Variants in PCK2 observed in about 807,000 individuals in gnomAD.
PCK2 encodes phosphoenolpyruvate carboxykinase 2, mitochondrial, also known as phosphoenolpyruvate carboxykinase [GTP], mitochondrial.
In PCK2, 56 loss-of-function variants were observed where a neutral mutation model predicts 65.9. The observed-to-expected ratio is 0.85, with a 90% confidence interval of 0.69 to 1.06. The LOEUF (loss-of-function observed/expected upper bound fraction) is 1.06. PCK2 is among the 50% of genes least tolerant of loss of function. The probability of loss-of-function intolerance (pLI) is 0.00; values close to 1 mark genes in which losing one functional copy is unlikely to be tolerated. For missense variants in PCK2, 843 were observed against 863.1 expected (o/e 0.98, Z 0.29); for synonymous variants, 305 against 319.6 (o/e 0.95, Z 0.49).
intron 5 of PCK2, 32 bp from the exon 6 acceptor site, chr14:24,099,526 T>A: frequency 6.5e-7 from 1 of 1,548,408 alleles, no homozygotes; most frequent in Non-Finnish European, 8.7e-7. Context: ...TTTGGTGACC[T>A]CTTTCTTATT....
chr14:24,096,822 G>C lies in PCK2; in HGVS notation c.30-70G>C, dbSNP rs2036905468. The C allele has an allele frequency of 1.1e-5, 16 of 1,414,358 alleles. No homozygotes were observed. In the Admixed American group the frequency reaches 2.6e-4, roughly 23 times the overall value. 87.6% of individuals were successfully genotyped at this position (1,414,358 alleles called of 1,614,324 possible). On this transcript the variant is annotated intron_variant, in intron 1 of 9. Transcript: ENST00000216780. ...TAGCAGGCTGCAGCCCAAGCTTTCT[G>C]TCTCTCCACCACCTGCCTTGTCCAC...
In PCK2 at chr14:24,099,620, C is replaced by A. The variant is rs757945348; in HGVS notation, c.915C>A (p.Ala305=). The change falls in exon 6 of 10, where the codon GCC becomes GCA. Residue 305 remains alanine, a synonymous_variant. Transcript: ENST00000216780. ...ATGTGGCAGCCGCCTTCCCTAGTGC[C>A]TGTGGCAAGACCAACCTGGCTATGA... ...KRYVAAAFPS[A]CGKTNLAMMR... 9.9e-6 allele frequency: 16 copies of A among 1,613,924 alleles called. No homozygotes were observed. The Admixed American group carries it at 2.7e-4, about 27-fold the overall frequency.
intron 4 of PCK2, 78 bp downstream of exon 4, chr14:24,098,756 C>G (rs1335073327): frequency 8.0e-7 from 1 of 1,256,716 alleles, no homozygotes; most frequent in Non-Finnish European, 1.1e-6. Flanking sequence ...TACCTCTCCA[C>G]AGACCCTAAG....
At chr14:24,098,410 G>T (rs773809438) in intron 3 of PCK2, 23 bp downstream of exon 3, 1 of 1,611,526 alleles carries the variant, frequency 6.2e-7, no homozygotes, top group Non-Finnish European at 8.5e-7. Context: ...GGGGCACAGT[G>T]GCAAGGGCAC....
chr14:24,097,102 G>T lies in PCK2; in HGVS notation c.240G>T (p.Gln80His), dbSNP rs761950710. ...CCACACTGACCCTGCTGGAGCAGCA[G>T]GGCCTCATCCGAAAGCTCCCCAAGT... ...NTATLTLLEQ[Q>H]GLIRKLPKYN... The change falls in exon 2 of 10, where the codon CAG becomes CAT. Residue 80 changes from glutamine (Q) to histidine (H), a missense_variant. Transcript: ENST00000216780. 2 of 1,613,962 alleles carry T rather than the reference G, an allele frequency of 1.2e-6. No homozygotes were observed. Among genetic ancestry groups the T allele is most frequent in the Admixed American group, 1.7e-5 (1 of 60,006 alleles).
chr14:24,096,679 G>A (rs1408430426), intron 1 of PCK2, among the ~76,000 whole-genome samples: 4 of 151,986 alleles, frequency 2.6e-5, no homozygotes, highest in Non-Finnish European at 4.4e-5. Flanking sequence ...TCTGTCCCTC[G>A]CTGAGCAGGA....
intron 2 of PCK2, among the ~76,000 whole-genome samples, 164 bp downstream of exon 2, chr14:24,097,301 A>G (rs1220879570): frequency 6.6e-6 from 1 of 151,934 alleles, no homozygotes; most frequent in African/African-American, 2.4e-5. Context: ...CTATAATCCC[A>G]GCACTTTGAG....
In PCK2 at chr14:24,103,948, G is replaced by A. The variant is rs145739132; in HGVS notation, c.1907G>A (p.Arg636His). 2.0e-5 allele frequency: 33 copies of A among 1,613,534 alleles called. No homozygotes were observed. In the African/African-American group the frequency reaches 2.5e-4, roughly 12 times the overall value. ...GCTGAGCTTGAGGCCCTGGAGAGAC[G>A]TGTGCACAAAATGTGACCTGAGGCC... Reference protein sequence around the residue: ...VLAELEALERRVHKM With the variant: ...VLAELEALERHVHKM The change falls in exon 10 of 10, where the codon CGT (arginine) becomes CAT (histidine). Residue 636 changes from arginine (R) to histidine (H), a missense_variant. Arg to His is a conservative substitution (Grantham distance 29, BLOSUM62 0). Coordinates refer to ENST00000216780, the MANE Select transcript of PCK2 (RefSeq NM_004563.4).
At chr14:24,101,795 C>G (rs1387097622) in intron 7 of PCK2, among the ~76,000 whole-genome samples, 1 of 152,070 alleles carries the variant, frequency 6.6e-6, no homozygotes, top group Non-Finnish European at 1.5e-5. Flanking sequence ...GTGGCTCATG[C>G]CTGTAATCCC....
chr14:24,096,864 T>C (rs761035374), intron 1 of PCK2, 28 bp from the exon 2 acceptor site: 6 of 1,599,292 alleles, frequency 3.8e-6, no homozygotes, highest in Non-Finnish European at 5.1e-6. Context: ...TGACAGCAAC[T>C]AGCTCATTGC....
In PCK2 at chr14:24,104,103, A is replaced by T; in HGVS notation, c.*139A>T. 1 of 632,544 alleles carries T rather than the reference A, an allele frequency of 1.6e-6. No homozygotes were observed. Among genetic ancestry groups the T allele is most frequent in the South Asian group, 2.0e-5 (1 of 51,270 alleles). The allele number at this position is 632,544 out of a possible 1,614,324, so 39.2% of individuals were successfully genotyped here. On this transcript the variant is annotated 3_prime_UTR_variant, in exon 10 of 10. Coordinates refer to ENST00000216780, the MANE Select transcript of PCK2 (RefSeq NM_004563.4). ...ACCTTCCCACAAAGACTGTCCAATA[A>T]TAAGAGATGCTTATCTATTTTACAC... is the stretch of plus-strand genomic sequence containing the variant.
rs1322424522 is a variant in PCK2, at chr14:24,102,781, C to A, written c.1263C>A (p.Asn421Lys). 6.2e-7 allele frequency: 1 copy of A among 1,613,806 alleles called. No individual in the cohort carries two copies. Among genetic ancestry groups the A allele is most frequent in the Admixed American group, 1.7e-5 (1 of 59,994 alleles). Residue 421 changes from asparagine to lysine, a missense_variant, in exon 8 of 10, where the codon AAC becomes AAA. Asn to Lys is a moderately conservative substitution (Grantham distance 94). Coordinates refer to ENST00000216780, the MANE Select transcript of PCK2 (RefSeq NM_004563.4). The part of the protein sequence containing the change: ...PGDKEPCAHP[N>K]SRFCAPARQC... ...ACAAGGAGCCCTGTGCACATCCCAA[C>A]TCTCGATTTTGTGCCCCGGCTCGCC... is the stretch of plus-strand genomic sequence containing the variant.
At position 24,098,590 on chromosome 14, in the gene PCK2, C is replaced by A; in HGVS notation, c.576C>A (p.Thr192=). The part of the protein sequence containing the change: ...AYVVASMRIM[T]RLGTPVLQAL... ...TGGTGGCAAGCATGCGTATTATGAC[C>A]CGACTGGGGACACCTGTGCTTCAGG... The change falls in exon 4 of 10, where the codon ACC becomes ACA. Residue 192 remains threonine (T), a synonymous_variant. Transcript: ENST00000216780. 6.2e-7 allele frequency: 1 copy of A among 1,614,056 alleles called. No individual in the cohort carries two copies. The highest frequency in any genetic ancestry group is 1.1e-5 in the South Asian group (1 of 91,088).
chr14:24,102,770 G>A lies in PCK2; in HGVS notation c.1252G>A (p.Ala418Thr), dbSNP rs1374444100. Residue 418 changes from alanine to threonine, a missense_variant, in exon 8 of 10, where the codon GCA becomes ACA. Transcript: ENST00000216780. ...PWKPGDKEPC[A>T]HPNSRFCAPA... ...TCTGCCAGGTGACAAGGAGCCCTGT[G>A]CACATCCCAACTCTCGATTTTGTGC... is the stretch of plus-strand genomic sequence containing the variant. The A allele has an allele frequency of 1.9e-6, 3 of 1,613,818 alleles. No individual in the cohort carries two copies. The highest frequency in any genetic ancestry group is 2.5e-6 in the Non-Finnish European group (3 of 1,179,892).
intron 2 of PCK2, among the ~76,000 whole-genome samples, chr14:24,097,564 CAA>C (rs61077083): frequency 2.2e-4 from 31 of 138,880 alleles, no homozygotes; most frequent in Non-Finnish European, 2.3e-4. Context: ...AACTCTGTCT[CAA>C]AAAAAAAAAA....
intron 6 of PCK2, 83 bp from the exon 7 acceptor site, chr14:24,099,912 G>A (rs1165347691): frequency 1.2e-6 from 2 of 1,612,532 alleles, no homozygotes; most frequent in Non-Finnish European, 1.7e-6. Flanking sequence ...TCAGGACAGG[G>A]GTGGGTGGAG....
rs1682114059 is a variant in PCK2 at position 24,103,196 on chromosome 14, A to G, written c.1409A>G (p.His470Arg). The change falls in exon 9 of 10, where the codon CAT (histidine) becomes CGT (arginine). Residue 470 changes from histidine to arginine, a missense_variant. By Grantham distance (29) the His-to-Arg change is conservative (BLOSUM62 0). Transcript: ENST00000216780. ...GTATACGAGGCCTTCAACTGGCGTC[A>G]TGGGGTGTTTGTGGGCAGCGCCATG... The part of the protein sequence containing the change: ...PLVYEAFNWR[H>R]GVFVGSAMRS... 2 of 1,614,128 alleles carry G rather than the reference A, an allele frequency of 1.2e-6. No individual in the cohort carries two copies. Among genetic ancestry groups the G allele is most frequent in the Non-Finnish European group, 1.7e-6 (2 of 1,179,958 alleles).
Position 24,094,835 on chromosome 14 carries a change from T to C in PCK2, c.29+401T>C, listed in dbSNP as rs1594280642. On this transcript the variant is annotated intron_variant, in intron 1 of 9. Transcript: ENST00000216780. The surrounding 1 kb of genome is among the most constrained non-coding windows in gnomAD (Gnocchi z 4.1). ...GGTACTTCGAGAGGCAGCAGGGCCCTGGGGACAAGGGTACGTGAGCCCCGG... is the reference window on the plus strand; with the variant it reads ...GGTACTTCGAGAGGCAGCAGGGCCCCGGGGACAAGGGTACGTGAGCCCCGG... 7.6e-7 allele frequency: 1 copy of C among 1,317,132 alleles called. No individual in the cohort carries two copies. The highest frequency in any genetic ancestry group is 9.9e-7 in the Non-Finnish European group (1 of 1,007,282). 81.6% of individuals were successfully genotyped at this position (1,317,132 alleles called of 1,614,324 possible).
rs760629663 is a variant in PCK2, at chr14:24,098,216, A to G, written c.289A>G (p.Thr97Ala). 3 of 1,610,450 alleles carry G rather than the reference A, an allele frequency of 1.9e-6. No homozygotes were observed. Among genetic ancestry groups the G allele is most frequent in the African/African-American group, 1.3e-5 (1 of 74,984 alleles). Residue 97 changes from threonine to alanine, a missense_variant, in exon 3 of 10, where the codon ACA becomes GCA. Thr to Ala is a moderately conservative substitution (Grantham distance 58). Transcript: ENST00000216780. ...PKYNNCWLAR[T>A]DPKDVARVES... ...CCTCTCCCCCAGCTGGCTGGCCCGC[A>G]CAGACCCCAAGGATGTGGCACGAGT...
Sources: gnomAD v4.1 joint callset for allele counts (sites outside exome capture counted in the v4.1 genomes callset) on GRCh38, gnomAD v4.1.1 for gene constraint, Gnocchi (gnomAD v3.1) non-coding constraint, MANE v1.5 for transcripts, NCBI Gene and HGNC (gene_info 2026-07-23, HGNC 2026-07-21) for gene names.